The following ZBP1 variants were observed in gnomAD, a reference collection of about 807,000 sequenced individuals.
ZBP1 encodes Z-DNA binding protein 1.
A neutral mutation model predicts 41.1 loss-of-function variants in ZBP1; 42 were observed. That is an observed-to-expected ratio of 1.02 (90% CI 0.80 to 1.32). ZBP1 has a LOEUF of 1.32. ZBP1 is among the 40% of genes most tolerant of loss of function. The probability of loss-of-function intolerance (pLI) is 0.00; values close to 1 mark genes in which losing one functional copy is unlikely to be tolerated. For missense variants in ZBP1, 562 were observed against 549.7 expected (o/e 1.02, Z -0.22); for synonymous variants, 214 against 205.2 (o/e 1.04, Z -0.37).
chr20:57,614,977 T>C lies in ZBP1; in HGVS notation c.412A>G (p.Lys138Glu). Residue 138 changes from lysine to glutamate, a missense_variant, in exon 4 of 8, where the codon AAA becomes GAA. Physicochemically the swap from Lys to Glu is moderately conservative, Grantham distance 56 (BLOSUM62 1). Coordinates refer to ENST00000371173, the MANE Select transcript of ZBP1 (RefSeq NM_030776.3). ...CTGTACAAGTCTCGGTTCACATCTT[T>C]TGCTGTCCTCATTCCCAGTGCTTGG... ...IAQALGMRTA[K>E]DVNRDLYRMK... 1 of 1,614,222 alleles carries C rather than the reference T, an allele frequency of 6.2e-7. No homozygotes were observed. The highest frequency in any genetic ancestry group is 8.5e-7 in the Non-Finnish European group (1 of 1,180,052).
intron 1 of ZBP1, among the ~76,000 whole-genome samples, chr20:57,619,929 C>A (rs140542508): frequency 2.1e-4 from 32 of 152,092 alleles, no homozygotes; most frequent in African/African-American, 7.0e-4. Flanking sequence ...TTCCACCTCC[C>A]GGGTTCAAGC....
At chr20:57,606,044 C>T (rs2070488748) in intron 7 of ZBP1, among the ~76,000 whole-genome samples, 1 of 152,206 alleles carries the variant, frequency 6.6e-6, no homozygotes, top group African/African-American at 2.4e-5. Context: ...AATGATTAAG[C>T]TTGGTGAGGG....
chr20:57,610,135 G>GC lies in ZBP1; in HGVS notation c.1093+13dup. 2 of 1,611,142 alleles carry GC rather than the reference G, an allele frequency of 1.2e-6. No individual in the cohort carries two copies. Among genetic ancestry groups the GC allele is most frequent in the Non-Finnish European group, 1.7e-6 (2 of 1,178,178 alleles). ...GAGAGAACACACAGGGGTCCACTCT[G>GC]CCCCCTAGCTCACCTGCGTCCTCCC... On this transcript the variant is annotated intron_variant, in intron 7 of 7. Transcript: ENST00000371173. This position sits in a 1 kb window ranked among gnomAD's most constrained non-coding sequence, Gnocchi z 5.5.
At chr20:57,609,322 G>A (rs1193703099) in intron 7 of ZBP1, among the ~76,000 whole-genome samples, 2 of 152,172 alleles carry the variant, frequency 1.3e-5, no homozygotes, top group Non-Finnish European at 2.9e-5. Context: ...GGGACCAAAC[G>A]GTGGCTGGGA....
intron 7 of ZBP1, among the ~76,000 whole-genome samples, chr20:57,609,858 C>T (rs530381321): frequency 6.6e-6 from 1 of 152,250 alleles, no homozygotes; most frequent in African/African-American, 2.4e-5. Flanking sequence ...TCAGATTTTA[C>T]CCCAGTCTTG....
At position 57,610,865 on chromosome 20, in the gene ZBP1, C is replaced by G. The variant is rs1344828206; in HGVS notation, c.875-498G>C. Among the ~76,000 whole-genome samples, 1 of 151,966 alleles carries G rather than the reference C, an allele frequency of 6.6e-6. No individual in the cohort carries two copies. Among genetic ancestry groups the G allele is most frequent in the Non-Finnish European group, 1.5e-5 (1 of 67,966 alleles). On this transcript the variant is annotated intron_variant, in intron 6 of 7. Coordinates refer to ENST00000371173, the MANE Select transcript of ZBP1 (RefSeq NM_030776.3). The surrounding 1 kb of genome is among the most constrained non-coding windows in gnomAD (Gnocchi z 5.5). ...CTCCCTGGCCCCCAGAAACCACCCC[C>G]TCAAGGTTACCACGATCCCTCTCGC...
chr20:57,607,265 A>T lies in ZBP1; in HGVS notation c.1094-2496T>A, dbSNP rs753153729. On this transcript the variant is annotated intron_variant, in intron 7 of 7. Coordinates refer to ENST00000371173, the MANE Select transcript of ZBP1 (RefSeq NM_030776.3). Reference sequence around the variant, plus strand: ...AAGTTGATTCCAAATTTCATGAATGACTTTGAGGGGTTCAAGACTTCAGTG... The same window carrying T: ...AAGTTGATTCCAAATTTCATGAATGTCTTTGAGGGGTTCAAGACTTCAGTG... The T allele has an allele frequency of 3.1e-6, 4 of 1,303,280 alleles. No individual in the cohort carries two copies. The East Asian group carries it at 2.2e-4, about 72-fold the overall frequency. 80.7% of individuals were successfully genotyped at this position (1,303,280 alleles called of 1,614,324 possible).
In ZBP1 at chr20:57,616,021, G is replaced by A. The variant is rs905000193; in HGVS notation, c.259+223C>T. On this transcript the variant is annotated intron_variant, in intron 2 of 7. Coordinates refer to ENST00000371173, the MANE Select transcript of ZBP1 (RefSeq NM_030776.3). ...TTCTGCAGAGTACCTCCTGTGTGCAGGGCTGGGCTGAGCCTGACGCAGGGC... is the reference window on the plus strand; with the variant it reads ...TTCTGCAGAGTACCTCCTGTGTGCAAGGCTGGGCTGAGCCTGACGCAGGGC... The A allele has an allele frequency of 4.7e-5, 28 of 600,716 alleles. 1 individual carries two copies. Among genetic ancestry groups the A allele is most frequent in the Middle Eastern group, 5.1e-4 (2 of 3,906 alleles). The allele number at this position is 600,716 out of a possible 1,614,324, so 37.2% of individuals were successfully genotyped here.
chr20:57,613,848 G>T lies in ZBP1; in HGVS notation c.503-518C>A, dbSNP rs1186327187. 6.6e-6 allele frequency among the ~76,000 whole-genome samples: 1 copy of T among 152,162 alleles called. No individual in the cohort carries two copies. Among genetic ancestry groups the T allele is most frequent in the Non-Finnish European group, 1.5e-5 (1 of 68,024 alleles). ...CCCTAGGATGCTGAGACCCCCTCGGGCACCCGTCATGAGTAGCAGAGTCAG... is the reference window on the plus strand; with the variant it reads ...CCCTAGGATGCTGAGACCCCCTCGGTCACCCGTCATGAGTAGCAGAGTCAG... On this transcript the variant is annotated intron_variant, in intron 4 of 7. Transcript: ENST00000371173. This position sits in a 1 kb window ranked among gnomAD's most constrained non-coding sequence, Gnocchi z 4.5.
intron 1 of ZBP1, among the ~76,000 whole-genome samples, chr20:57,619,083 A>G (rs1243908301): frequency 6.6e-6 from 1 of 152,018 alleles, no homozygotes; most frequent in African/African-American, 2.4e-5. Flanking sequence ...TCACAAAAGG[A>G]AAATCAACTG....
intron 7 of ZBP1, among the ~76,000 whole-genome samples, chr20:57,609,210 C>T (rs377013559): frequency 1.1e-4 from 16 of 152,310 alleles, no homozygotes; most frequent in East Asian, 1.9e-4. Flanking sequence ...CCCCACCTTG[C>T]GTGGACCTGC....
intron 2 of ZBP1, chr20:57,615,820 G>A (rs2070808787): frequency 1.8e-6 from 1 of 553,488 alleles, no homozygotes; most frequent in South Asian, 2.4e-5. Flanking sequence ...TGAGGGCTGG[G>A]TGAACCCCAA....
rs754197046 is a variant in ZBP1 at position 57,616,505 on chromosome 20, G to A, written c.35-37C>T. The A allele has an allele frequency of 1.2e-5, 20 of 1,607,928 alleles. No homozygotes were observed. The East Asian group carries it at 3.6e-4, about 29-fold the overall frequency. ...AGCGGGGGACAGAGAGGGGAACTGAGTCTCCCAGGTCCCCACAGTTGAGCC... is the reference window on the plus strand; with the variant it reads ...AGCGGGGGACAGAGAGGGGAACTGAATCTCCCAGGTCCCCACAGTTGAGCC... On this transcript the variant is annotated intron_variant, in intron 1 of 7. Coordinates refer to ENST00000371173, the MANE Select transcript of ZBP1 (RefSeq NM_030776.3).
At position 57,610,178 on chromosome 20, in the gene ZBP1, G is replaced by C. The variant is rs1328954539; in HGVS notation, c.1064C>G (p.Ser355Cys). Residue 355 changes from serine (S) to cysteine (C), a missense_variant, in exon 7 of 8, where the codon TCT becomes TGT. Ser to Cys is a moderately radical substitution (Grantham distance 112, BLOSUM62 -1). Coordinates refer to ENST00000371173, the MANE Select transcript of ZBP1 (RefSeq NM_030776.3). The surrounding 1 kb of genome is among the most constrained non-coding windows in gnomAD (Gnocchi z 5.5). Reference protein sequence around the residue: ...GVAGPGGVAGSGEGEPGEDAG... With the variant: ...GVAGPGGVAGCGEGEPGEDAG... ...GTCCTCCCCTGGCTCCCCCTCTCCAGACCCTGCGACTCCTCCTGGGCCAGC... is the reference window on the plus strand; with the variant it reads ...GTCCTCCCCTGGCTCCCCCTCTCCACACCCTGCGACTCCTCCTGGGCCAGC... 2.5e-6 allele frequency: 4 copies of C among 1,613,948 alleles called. No individual in the cohort carries two copies. The African/African-American group carries it at 5.3e-5, about 22-fold the overall frequency.
At chr20:57,612,796 C>T in intron 5 of ZBP1, 3 of 656,538 alleles carry the variant, frequency 4.6e-6, no homozygotes, top group Non-Finnish European at 6.2e-6. Flanking sequence ...TAGCATTCCG[C>T]GGAGGGAAAG....
intron 1 of ZBP1, chr20:57,616,759 G>T: frequency 2.2e-6 from 1 of 464,120 alleles, no homozygotes. Context: ...GAGGGCAGTG[G>T]GGTTCCTCAG....
intron 7 of ZBP1, among the ~76,000 whole-genome samples, chr20:57,608,606 C>T (rs2070556941): frequency 6.6e-6 from 1 of 152,248 alleles, no homozygotes; most frequent in Non-Finnish European, 1.5e-5. Context: ...CAGAGACTCC[C>T]TTTGCTGCTG....
rs2070645989 is a variant in ZBP1 at position 57,610,834 on chromosome 20, C to T, written c.875-467G>A. 1 of 196,614 alleles carries T rather than the reference C, an allele frequency of 5.1e-6. No individual in the cohort carries two copies. Among genetic ancestry groups the T allele is most frequent in the African/African-American group, 2.4e-5 (1 of 42,346 alleles). 12.2% of individuals were successfully genotyped at this position (196,614 alleles called of 1,614,324 possible). A position where few individuals can be genotyped will look rare whatever the true frequency, so the allele number is the denominator to read the frequency against. On this transcript the variant is annotated intron_variant, in intron 6 of 7. Coordinates refer to ENST00000371173, the MANE Select transcript of ZBP1 (RefSeq NM_030776.3). The surrounding 1 kb of genome is among the most constrained non-coding windows in gnomAD (Gnocchi z 5.5). ...CCCGCCCCCTCCACCCCCGAGACCT[C>T]TTCTGCTCCCTGGCCCCCAGAAACC...
At chr20:57,616,192 T>C in intron 2 of ZBP1, 52 bp downstream of exon 2, 1 of 1,554,488 alleles carries the variant, frequency 6.4e-7, no homozygotes, top group Non-Finnish European at 8.9e-7. Context: ...GCTTGTCCAT[T>C]GCCAGGATGC....
Sources: gnomAD v4.1 joint callset for allele counts (sites outside exome capture counted in the v4.1 genomes callset) on GRCh38, gnomAD v4.1.1 for gene constraint, Gnocchi (gnomAD v3.1) non-coding constraint, MANE v1.5 for transcripts, NCBI Gene and HGNC (gene_info 2026-07-23, HGNC 2026-07-21) for gene names.